Variants in FRMD4B observed in about 807,000 individuals in gnomAD.
FRMD4B encodes the protein FERM domain-containing protein 4B.
In FRMD4B, 74 loss-of-function variants were observed where a neutral mutation model predicts 141.5. The observed-to-expected ratio is 0.52, with a 90% CI of 0.43 to 0.63. The LOEUF (loss-of-function observed/expected upper bound fraction) is 0.63. FRMD4B is among the 30% of genes least tolerant of loss of function. The pLI is 0.00. For synonymous variants in FRMD4B, 506 were observed against 467.9 expected (o/e 1.08, Z -1.05); for missense variants, 1,366 against 1,253.4 (o/e 1.09, Z -1.36).
At position 69,304,463 on chromosome 3, in the gene FRMD4B, G is replaced by A. The variant is rs995575914; in HGVS notation, c.324-2028C>T. Among the ~76,000 whole-genome samples the A allele has an allele frequency of 3.2e-5, 4 of 123,942 alleles. No homozygotes were observed. The Admixed American group carries it at 4.2e-4, about 13-fold the overall frequency. The allele number at this position is 123,942 out of a possible 152,430, so 81.3% of individuals were successfully genotyped here. On this transcript the variant is annotated intron_variant, in intron 3 of 22. Coordinates refer to ENST00000398540, the MANE Select transcript of FRMD4B (RefSeq NM_015123.3). ...CATGCCACTACACTCCAGCTTGCAC[G>A]ACAGAGCAAGATTCTATCTCAAAAA...
intron 7 of FRMD4B, among the ~76,000 whole-genome samples, chr3:69,229,059 T>C (rs2093281887): frequency 6.6e-6 from 1 of 150,736 alleles, no homozygotes; most frequent in South Asian, 2.1e-4. Context: ...TGGGTCTTGT[T>C]CTGTTGCCCA....
intron 1 of FRMD4B, among the ~76,000 whole-genome samples, chr3:69,485,548 G>C (rs1332964687): frequency 6.6e-6 from 1 of 152,208 alleles, no homozygotes; most frequent in African/African-American, 2.4e-5. Flanking sequence ...GGCAGCTGCA[G>C]ATGCAACTGG....
At chr3:69,436,508 G>T (rs1401313601) in intron 1 of FRMD4B, among the ~76,000 whole-genome samples, 1 of 152,164 alleles carries the variant, frequency 6.6e-6, no homozygotes, top group Non-Finnish European at 1.5e-5. Context: ...GTAAAATGGT[G>T]CAGCCACTAT....
chr3:69,343,292 G>A (rs1406317954), intron 1 of FRMD4B, among the ~76,000 whole-genome samples: 1 of 152,098 alleles, frequency 6.6e-6, no homozygotes, highest in Non-Finnish European at 1.5e-5. Flanking sequence ...AAGCCCAGAG[G>A]GGAGGTCACT....
intron 1 of FRMD4B, chr3:69,323,130 G>T: frequency 4.6e-6 from 1 of 216,144 alleles, no homozygotes; most frequent in Non-Finnish European, 7.9e-6. Flanking sequence ...AAGAGGGGAG[G>T]AATGACAAAG....
chr3:69,191,656 A>C (rs945084017), intron 17 of FRMD4B, among the ~76,000 whole-genome samples: 2 of 152,224 alleles, frequency 1.3e-5, no homozygotes, highest in African/African-American at 4.8e-5. Context: ...TATCAGACAC[A>C]CAGTGGAGCT....
intron 5 of FRMD4B, among the ~76,000 whole-genome samples, chr3:69,278,533 A>G (rs1262447929): frequency 1.3e-5 from 2 of 151,578 alleles, no homozygotes; most frequent in African/African-American, 2.4e-5. Flanking sequence ...CCTGCCCTCA[A>G]GTGATCCTCT....
intron 7 of FRMD4B, among the ~76,000 whole-genome samples, chr3:69,245,058 C>T (rs2093413100): frequency 6.6e-6 from 1 of 152,048 alleles, no homozygotes; most frequent in Non-Finnish European, 1.5e-5. Flanking sequence ...AGATGGATTA[C>T]AGGAACTGTT....
chr3:69,237,057 A>G (rs2093349705), intron 7 of FRMD4B, among the ~76,000 whole-genome samples: 1 of 152,258 alleles, frequency 6.6e-6, no homozygotes, highest in African/African-American at 2.4e-5. Flanking sequence ...CTAAATGCAC[A>G]GATGAGAGAA....
At position 69,446,840 on chromosome 3, in the gene FRMD4B, T is replaced by C. The variant is rs190520158; in HGVS notation, c.-128-14079A>G. On this transcript the variant is annotated intron_variant, in intron 1 of 5. Coordinates refer to the FRMD4B transcript ENST00000459638. ...GAAAACACAAGACCCTTTGGAGACA[T>C]CAGTCAAATGAAATTTAAGCCTCAT... Among the ~76,000 whole-genome samples, 460 of 152,268 alleles carry C rather than the reference T, an allele frequency of 3.0e-3. 1 individual carries two copies. Among genetic ancestry groups the C allele is most frequent in the African/African-American group, 0.01 (430 of 41,558 alleles).
chr3:69,203,332 A>AG (rs2092989689), intron 11 of FRMD4B, among the ~76,000 whole-genome samples: 2 of 144,294 alleles, frequency 1.4e-5, no homozygotes, highest in Non-Finnish European at 3.0e-5. Flanking sequence ...AAAAAAAAAA[A>AG]AAAAAAAAAA....
At chr3:69,386,361 G>C (rs995738083), upstream of FRMD4B, 3 of 187,332 alleles carry the variant, frequency 1.6e-5, no homozygotes, top group African/African-American at 4.7e-5. Context: ...GACGGAAGCG[G>C]AGCAACTCTT....
At chr3:69,229,266 C>T (rs72929562) in intron 7 of FRMD4B, among the ~76,000 whole-genome samples, 2,052 of 152,118 alleles carry the variant, frequency 0.013, 43 homozygotes, top group African/African-American at 0.047. Context: ...CCTCCAGCAA[C>T]CTTCCTGCCT....
chr3:69,340,956 G>C (rs578124778), intron 1 of FRMD4B, among the ~76,000 whole-genome samples: 2 of 152,170 alleles, frequency 1.3e-5, no homozygotes, highest in Admixed American at 1.3e-4. Context: ...ATAAAAAAAG[G>C]AGTTGCAAAA....
At chr3:69,277,082 T>G (rs1177863876) in intron 5 of FRMD4B, among the ~76,000 whole-genome samples, 1 of 152,202 alleles carries the variant, frequency 6.6e-6, no homozygotes, top group Non-Finnish European at 1.5e-5. Context: ...AGAGGGAAGA[T>G]AAAAATAAAC....
chr3:69,382,789 G>T (rs1354577848), intron 1 of FRMD4B, among the ~76,000 whole-genome samples: 1 of 150,460 alleles, frequency 6.6e-6, no homozygotes, highest in Non-Finnish European at 1.5e-5. Context: ...TGGATGTGTG[G>T]ATATAAGGCC....
At chr3:69,494,645 A>G (rs1220167025) in intron 1 of FRMD4B, among the ~76,000 whole-genome samples, 1 of 152,198 alleles carries the variant, frequency 6.6e-6, no homozygotes, top group African/African-American at 2.4e-5. Flanking sequence ...TAATCCCAGC[A>G]CTTTGGGAGG....
chr3:69,456,804 T>A (rs545835912), intron 1 of FRMD4B, among the ~76,000 whole-genome samples: 1 of 152,232 alleles, frequency 6.6e-6, no homozygotes, highest in South Asian at 2.1e-4. Flanking sequence ...AGCAAACTAG[T>A]TCCTGGACTG....
chr3:69,250,973 T>C (rs1487608950), intron 5 of FRMD4B, among the ~76,000 whole-genome samples: 1 of 152,148 alleles, frequency 6.6e-6, no homozygotes, highest in Non-Finnish European at 1.5e-5. Flanking sequence ...TGCATAGATA[T>C]GTGCAGAAAG....
Sources: allele counts gnomAD v4.1 joint callset (sites outside exome capture counted in the v4.1 genomes callset), GRCh38; gene constraint gnomAD v4.1.1; transcripts MANE v1.5; gene names NCBI Gene and HGNC (gene_info 2026-07-23, HGNC 2026-07-21).